The following NRROS variants were observed in gnomAD, a reference collection of about 807,000 sequenced individuals.
NRROS encodes transforming growth factor beta activator LRRC33.
A neutral mutation model predicts 12.0 loss-of-function variants in NRROS; 6 were observed. The observed-to-expected ratio is 0.50, with a 90% CI of 0.27 to 0.98. The LOEUF (loss-of-function observed/expected upper bound fraction) is 0.98. NRROS is among the 50% of genes least tolerant of loss of function. NRROS has a pLI of 0.11. For synonymous variants in NRROS, 462 were observed against 410.2 expected, an observed-to-expected ratio of 1.13 and a Z score of -1.53; for missense variants, 857 against 888.2, an observed-to-expected ratio of 0.96 and a Z score of 0.45.
At chr3:196,657,537 G>A (rs949696162) in intron 2 of NRROS, among the ~76,000 whole-genome samples, 18 of 152,016 alleles carry the variant, frequency 1.2e-4, no homozygotes, top group Non-Finnish European at 2.1e-4. Context: ...GCAAAACTCT[G>A]CCTCTACTAA....
Position 196,654,715 on chromosome 3 carries a change from G to A in NRROS, c.108+68G>A, listed in dbSNP as rs1431563933. The A allele has an allele frequency of 4.1e-6, 4 of 982,460 alleles. No homozygotes were observed. The African/African-American group carries it at 6.5e-5, about 16-fold the overall frequency. 60.9% of individuals were successfully genotyped at this position (982,460 alleles called of 1,614,324 possible). On this transcript the variant is annotated intron_variant, in intron 2 of 2. Transcript: ENST00000328557. The surrounding 1 kb of genome is among the most constrained non-coding windows in gnomAD (Gnocchi z 4.4). Reference sequence around the variant, plus strand: ...TGACAAGGCTTGGTCCATTTGGAAAGCTGACAGATTGTCCATCAGGAAGGG... The same window carrying A: ...TGACAAGGCTTGGTCCATTTGGAAAACTGACAGATTGTCCATCAGGAAGGG...
At chr3:196,645,198 G>A (rs1166849140) in intron 1 of NRROS, among the ~76,000 whole-genome samples, 1 of 152,204 alleles carries the variant, frequency 6.6e-6, no homozygotes, top group Non-Finnish European at 1.5e-5. Flanking sequence ...TGATGAGGAG[G>A]TGATACCAGC....
At chr3:196,644,500 G>A (rs956102965) in intron 1 of NRROS, among the ~76,000 whole-genome samples, 1 of 152,068 alleles carries the variant, frequency 6.6e-6, no homozygotes, top group African/African-American at 2.4e-5. Context: ...CGATCAGGCT[G>A]GGTGCAGTGG....
chr3:196,661,364 C>T lies in NRROS; in HGVS notation c.1721C>T (p.Pro574Leu), dbSNP rs2108644436. 5 of 1,575,140 alleles carry T rather than the reference C, an allele frequency of 3.2e-6. No homozygotes were observed. The East Asian group carries it at 1.1e-4, about 35-fold the overall frequency. The change falls in exon 3 of 3, where the codon CCC (proline) becomes CTC (leucine). Residue 574 changes from proline (P) to leucine (L), a missense_variant. Pro to Leu is a moderately conservative substitution (Grantham distance 98). Coordinates refer to ENST00000328557, the MANE Select transcript of NRROS (RefSeq NM_198565.3). ...CGTAGAAACTCGCTCACAGCCCTTCCCCAGAAGGCTGTGTCTGAGCAGCTC... is the reference window on the plus strand; with the variant it reads ...CGTAGAAACTCGCTCACAGCCCTTCTCCAGAAGGCTGTGTCTGAGCAGCTC... ...DLRRNSLTAL[P>L]QKAVSEQLSR...
At chr3:196,657,009 G>C (rs1737548741) in intron 2 of NRROS, among the ~76,000 whole-genome samples, 1 of 151,978 alleles carries the variant, frequency 6.6e-6, no homozygotes, top group African/African-American at 2.4e-5. Flanking sequence ...TTTGAGACCA[G>C]CCTGACCAAC....
chr3:196,639,727 C>A lies in NRROS; in HGVS notation c.-162C>A, dbSNP rs1737171446. ...GAGCAGCCCGCTCTCCATGTGACTT[C>A]AGTTTCCGTCCGTTCCTTCCGCTGG... On this transcript the variant is annotated 5_prime_UTR_variant, in exon 1 of 3. Transcript: ENST00000328557. 1 of 152,448 alleles carries A rather than the reference C, an allele frequency of 6.6e-6. No homozygotes were observed. Among genetic ancestry groups the A allele is most frequent in the South Asian group, 2.1e-4 (1 of 4,842 alleles). The allele number at this position is 152,448 out of a possible 1,614,324, so 9.4% of individuals were successfully genotyped here.
chr3:196,648,993 C>T (rs973783710), intron 1 of NRROS, among the ~76,000 whole-genome samples: 2 of 152,124 alleles, frequency 1.3e-5, no homozygotes, highest in South Asian at 2.1e-4. Context: ...GGATTCAGGG[C>T]AAGTGTTTCT....
chr3:196,655,222 C>A (rs1249885360), intron 2 of NRROS, among the ~76,000 whole-genome samples: 4 of 132,008 alleles, frequency 3.0e-5, no homozygotes. Context: ...GTGATGGGGC[C>A]AGACCTTGTC....
Position 196,661,204 on chromosome 3 carries a change from A to G in NRROS, c.1561A>G (p.Met521Val). The part of the protein sequence containing the change: ...PMLQVLSLRN[M>V]GLHSSFMALD... ...GTTACAGGTCCTGTCTCTCAGGAAC[A>G]TGGGCCTCCACTCCAGCTTTATGGC... Residue 521 changes from methionine to valine, a missense_variant, in exon 3 of 3, where the codon ATG becomes GTG. Met to Val is a conservative substitution (Grantham distance 21). Transcript: ENST00000328557. 2 of 1,613,796 alleles carry G rather than the reference A, an allele frequency of 1.2e-6. No individual in the cohort carries two copies. Among genetic ancestry groups the G allele is most frequent in the Non-Finnish European group, 1.7e-6 (2 of 1,179,882 alleles).
At chr3:196,648,632 G>T (rs1484504978) in intron 1 of NRROS, among the ~76,000 whole-genome samples, 1 of 151,876 alleles carries the variant, frequency 6.6e-6, no homozygotes, top group African/African-American at 2.4e-5. Context: ...CAGGCATGCT[G>T]GTGCATGCCT....
Position 196,660,470 on chromosome 3 carries a change from C to A in NRROS, c.827C>A (p.Thr276Asn). ...PLLPQYSKLR[T>N]LLLRDNNMGF... Reference sequence around the variant, plus strand: ...CTGCCCCAGTACAGCAAGTTGCGGACCCTCCTGCTGCGCGACAACAACATG... The same window carrying A: ...CTGCCCCAGTACAGCAAGTTGCGGAACCTCCTGCTGCGCGACAACAACATG... Residue 276 changes from threonine (T) to asparagine (N), a missense_variant, in exon 3 of 3, where the codon ACC becomes AAC. Physicochemically the swap from Thr to Asn is moderately conservative, Grantham distance 65. Coordinates refer to ENST00000328557, the MANE Select transcript of NRROS (RefSeq NM_198565.3). The surrounding 1 kb of genome is among the most constrained non-coding windows in gnomAD (Gnocchi z 7.7). The A allele has an allele frequency of 6.2e-7, 1 of 1,614,074 alleles. No homozygotes were observed. The highest frequency in any genetic ancestry group is 8.5e-7 in the Non-Finnish European group (1 of 1,180,006).
At chr3:196,652,057 A>C (rs1737439511) in intron 1 of NRROS, among the ~76,000 whole-genome samples, 1 of 152,208 alleles carries the variant, frequency 6.6e-6, no homozygotes, top group South Asian at 2.1e-4. Context: ...GAGGGCAGGG[A>C]AGGGGAAGGC....
At chr3:196,649,555 TC>T (rs1413661566) in intron 1 of NRROS, among the ~76,000 whole-genome samples, 4 of 152,058 alleles carry the variant, frequency 2.6e-5, no homozygotes, top group Admixed American at 2.6e-4. Context: ...CACTGCAAGC[TC>T]CACCTCCCGG....
intron 1 of NRROS, among the ~76,000 whole-genome samples, chr3:196,650,891 A>T (rs2108638604): frequency 6.6e-6 from 1 of 152,332 alleles, no homozygotes. Context: ...GACAGGAGCA[A>T]CAGGCAGCTC....
intron 1 of NRROS, among the ~76,000 whole-genome samples, chr3:196,641,645 C>T (rs552906974): frequency 1.1e-4 from 16 of 152,296 alleles, no homozygotes; most frequent in African/African-American, 2.6e-4. Context: ...AGAGAGCAGA[C>T]GCCTAGTATC....
In NRROS at chr3:196,659,682, A is replaced by G. The variant is rs1737618470; in HGVS notation, c.109-70A>G. The G allele has an allele frequency of 3.4e-6, 5 of 1,474,244 alleles. No individual in the cohort carries two copies. In the Admixed American group the frequency reaches 1.1e-4, roughly 32 times the overall value. The allele number at this position is 1,474,244 out of a possible 1,614,324, so 91.3% of individuals were successfully genotyped here. On this transcript the variant is annotated intron_variant, in intron 2 of 2. Transcript: ENST00000328557. ...GTTGCAGGGACAGTCTGATAAGTGAACTAAGTTTCTATGCATAAATGCTTG... is the reference window on the plus strand; with the variant it reads ...GTTGCAGGGACAGTCTGATAAGTGAGCTAAGTTTCTATGCATAAATGCTTG...
rs747016659 is a variant in NRROS, at chr3:196,660,369, C to T, written c.726C>T (p.Leu242=). ...NVSYNVLEWF[L]ATGGEAAFEL... Reference sequence around the variant, plus strand: ...GCTACAACGTCCTGGAGTGGTTCCTCGCGACCGGGGGAGAGGCTGCCTTCG... The same window carrying T: ...GCTACAACGTCCTGGAGTGGTTCCTTGCGACCGGGGGAGAGGCTGCCTTCG... The change falls in exon 3 of 3, where the codon CTC becomes CTT. Residue 242 remains leucine, a synonymous_variant. Transcript: ENST00000328557. The surrounding 1 kb of genome is among the most constrained non-coding windows in gnomAD (Gnocchi z 7.7). 17 of 1,613,884 alleles carry T rather than the reference C, an allele frequency of 1.1e-5. No individual in the cohort carries two copies. In the Admixed American group the frequency reaches 1.5e-4, roughly 14 times the overall value.
At chr3:196,657,282 G>C (rs1233648819) in intron 2 of NRROS, among the ~76,000 whole-genome samples, 1 of 151,946 alleles carries the variant, frequency 6.6e-6, no homozygotes, top group African/African-American at 2.4e-5. Context: ...CATCACTTCA[G>C]CGGGGCCACA....
intron 2 of NRROS, among the ~76,000 whole-genome samples, chr3:196,655,796 A>T (rs1004368669): frequency 2.0e-5 from 3 of 152,236 alleles, no homozygotes; most frequent in African/African-American, 7.2e-5. Context: ...CTAGATGTGA[A>T]AATAGACTTG....
Sources: gnomAD v4.1 joint callset for allele counts (sites outside exome capture counted in the v4.1 genomes callset) on GRCh38, gnomAD v4.1.1 for gene constraint, Gnocchi (gnomAD v3.1) non-coding constraint, MANE v1.5 for transcripts, NCBI Gene and HGNC (gene_info 2026-07-23, HGNC 2026-07-21) for gene names.